PTPRT: variants seen among roughly 807,000 people sequenced by gnomAD.
PTPRT encodes protein tyrosine phosphatase receptor type T, also known as receptor-type tyrosine-protein phosphatase T.
Under a neutral mutation model 176.8 loss-of-function variants are expected in PTPRT, and 56 were observed. The observed-to-expected ratio is 0.32, with a 90% confidence interval of 0.26 to 0.40. PTPRT has a LOEUF of 0.40. Among genes scored for constraint, PTPRT ranks in the 10% least tolerant of loss-of-function variants. The pLI, the probability that PTPRT is intolerant of heterozygous loss-of-function variation, is 1.00. For synonymous variants in PTPRT, 783 were observed against 739.0 expected (o/e 1.06, Z -0.96); for missense variants, 1,540 against 1,908.2 (o/e 0.81, Z 3.60).
intron 17 of PTPRT, 117 bp downstream of exon 17, chr20:42,161,235 G>T: frequency 2.6e-6 from 3 of 1,162,670 alleles, no homozygotes; most frequent in Non-Finnish European, 3.8e-6. Flanking sequence ...TTTCCTACAC[G>T]CTCCCAGGTG....
chr20:43,113,241 C>T (rs1440349314), intron 1 of PTPRT, among the ~76,000 whole-genome samples: 2 of 152,204 alleles, frequency 1.3e-5, no homozygotes, highest in Non-Finnish European at 2.9e-5. Context: ...ACTTTGCTGT[C>T]TTTCTTCTGT....
intron 1 of PTPRT, among the ~76,000 whole-genome samples, chr20:43,071,451 C>T (rs1568767500): frequency 6.6e-6 from 1 of 152,092 alleles, no homozygotes; most frequent in Non-Finnish European, 1.5e-5. Context: ...TTTACATGGG[C>T]CCCCAGCTCC....
intron 1 of PTPRT, among the ~76,000 whole-genome samples, chr20:43,166,548 C>A (rs567767677): frequency 6.6e-6 from 1 of 152,170 alleles, no homozygotes; most frequent in Non-Finnish European, 1.5e-5. Context: ...CAAGTGAAGT[C>A]ATCTGACCAG....
At chr20:42,253,893 TC>T (rs909845905) in intron 13 of PTPRT, among the ~76,000 whole-genome samples, 2 of 152,244 alleles carry the variant, frequency 1.3e-5, no homozygotes, top group Admixed American at 6.5e-5. Context: ...GTCTATTCTT[TC>T]CCCAAATGCC....
At chr20:42,802,354 T>C (rs573947439) in intron 2 of PTPRT, among the ~76,000 whole-genome samples, 36 of 152,348 alleles carry the variant, frequency 2.4e-4, no homozygotes, top group African/African-American at 8.7e-4. Flanking sequence ...ACGCCCTGCC[T>C]ACCTCTCTCA....
chr20:42,998,441 C>T (rs1253521996), intron 1 of PTPRT, among the ~76,000 whole-genome samples: 1 of 152,132 alleles, frequency 6.6e-6, no homozygotes, highest in African/African-American at 2.4e-5. Context: ...ATCAGTCTAA[C>T]TTGATGAATG....
At chr20:42,116,066 A>G (rs1460936815) in intron 21 of PTPRT, 1 of 725,888 alleles carries the variant, frequency 1.4e-6, no homozygotes, top group East Asian at 2.6e-5. Context: ...CACGGCCTAG[A>G]GTGGCATTTC....
the PTPRT span, among the ~76,000 whole-genome samples, chr20:42,039,270 T>G: frequency 1.3e-5 from 2 of 152,220 alleles, no homozygotes; most frequent in African/African-American, 4.8e-5. Flanking sequence ...AGTGTTTTGA[T>G]ATATGCATAT....
chr20:42,601,777 G>T (rs1454902746), intron 7 of PTPRT, among the ~76,000 whole-genome samples: 1 of 152,134 alleles, frequency 6.6e-6, no homozygotes, highest in South Asian at 2.1e-4. Flanking sequence ...ATGTCCCTTT[G>T]CATCATGACC....
At chr20:42,398,688 CTA>C (rs1260520820) in intron 9 of PTPRT, among the ~76,000 whole-genome samples, 1 of 152,044 alleles carries the variant, frequency 6.6e-6, no homozygotes, top group Non-Finnish European at 1.5e-5. Context: ...CACAGAGACT[CTA>C]TGTGTAATAA....
intron 9 of PTPRT, among the ~76,000 whole-genome samples, chr20:42,437,461 G>A (rs185635987): frequency 3.1e-4 from 47 of 152,284 alleles, no homozygotes; most frequent in Admixed American, 2.6e-3. Context: ...GACGTGCAGC[G>A]ATACACACGT....
At chr20:42,829,584 G>T (rs989190390) in intron 2 of PTPRT, among the ~76,000 whole-genome samples, 6 of 152,166 alleles carry the variant, frequency 3.9e-5, no homozygotes, top group Non-Finnish European at 8.8e-5. Context: ...AAAATTAGCT[G>T]GTTGTGGGTG....
chr20:42,287,796 T>G (rs1237499942), intron 12 of PTPRT, among the ~76,000 whole-genome samples: 1 of 151,970 alleles, frequency 6.6e-6, no homozygotes, highest in African/African-American at 2.4e-5. Context: ...TGATCACTAT[T>G]CATTATATGT....
chr20:42,283,256 G>A (rs1466684698), intron 12 of PTPRT, among the ~76,000 whole-genome samples: 1 of 152,112 alleles, frequency 6.6e-6, no homozygotes, highest in African/African-American at 2.4e-5. Context: ...CATCTCCCAG[G>A]AGGTCCTGGA....
intron 1 of PTPRT, among the ~76,000 whole-genome samples, chr20:42,913,020 T>G (rs1320215603): frequency 6.6e-6 from 1 of 152,228 alleles, no homozygotes; most frequent in African/African-American, 2.4e-5. Flanking sequence ...TTGGGAAAGT[T>G]TGCCAATGTC....
intron 7 of PTPRT, among the ~76,000 whole-genome samples, chr20:42,675,149 C>CAGTCACTCACAGGCTGCA (rs983307373): frequency 6.6e-6 from 1 of 152,162 alleles, no homozygotes; most frequent in African/African-American, 2.4e-5. Flanking sequence ...CACCACTTCA[C>CAGTCACTCACAGGCTGCA]AGTCACTCAC....
intron 1 of PTPRT, among the ~76,000 whole-genome samples, chr20:43,177,400 CAGA>C (rs749201447): frequency 2.6e-5 from 4 of 152,236 alleles, no homozygotes; most frequent in Admixed American, 6.5e-5. Flanking sequence ...GATGAAACCC[CAGA>C]AGGAGGAAAT....
intron 1 of PTPRT, among the ~76,000 whole-genome samples, chr20:42,933,307 T>G (rs985108601): frequency 6.6e-6 from 1 of 152,218 alleles, no homozygotes; most frequent in African/African-American, 2.4e-5. Context: ...AGGCCTTTAT[T>G]TATCCTCCCT....
chr20:42,757,848 T>C (rs1321785253), intron 5 of PTPRT, among the ~76,000 whole-genome samples: 1 of 152,208 alleles, frequency 6.6e-6, no homozygotes, highest in East Asian at 1.9e-4. Flanking sequence ...GTAAGGCACA[T>C]GCATGTTGGT....
Sources: allele counts gnomAD v4.1 joint callset (sites outside exome capture counted in the v4.1 genomes callset), GRCh38; gene constraint gnomAD v4.1.1; transcripts MANE v1.5; gene names NCBI Gene and HGNC (gene_info 2026-07-23, HGNC 2026-07-21).